RAB21: variants seen among roughly 807,000 people sequenced by gnomAD.
The protein encoded by RAB21 is RAB21, member RAS oncogene family.
Under a neutral mutation model 33.1 loss-of-function variants are expected in RAB21, and 13 were observed. That is an observed-to-expected ratio of 0.39 (90% CI 0.26 to 0.62). The LOEUF (loss-of-function observed/expected upper bound fraction) is 0.62. RAB21 is among the 20% of genes least tolerant of loss of function. RAB21 has a pLI of 0.48. For synonymous variants in RAB21, 91 were observed against 103.7 expected (o/e 0.88, Z 0.74); for missense variants, 234 against 279.1 (o/e 0.84, Z 1.15).
At position 71,798,384 on chromosome 12, in the gene RAB21, A is replaced by C. The variant is rs970296235; in HGVS notation, c.*12711A>C. 6.6e-6 allele frequency: 1 copy of C among 152,084 alleles called. No individual in the cohort carries two copies. The highest frequency in any genetic ancestry group is 2.4e-5 in the African/African-American group (1 of 41,432). The allele number at this position is 152,084 out of a possible 1,614,324, so 9.4% of individuals were successfully genotyped here. A position where few individuals can be genotyped will look rare whatever the true frequency, so the allele number is the denominator to read the frequency against. The stretch of plus-strand genomic sequence containing the variant: ...ATAGGTGTGAGGCACCATGCCCAAC[A>C]TATAACAATAAATTATATCACTATA... On this transcript the variant is annotated 3_prime_UTR_variant, in exon 7 of 7. Coordinates refer to ENST00000261263, the MANE Select transcript of RAB21 (RefSeq NM_014999.4).
chr12:71,763,927 G>C (rs574063366), intron 1 of RAB21, among the ~76,000 whole-genome samples: 26 of 152,262 alleles, frequency 1.7e-4, no homozygotes, highest in African/African-American at 6.0e-4. Context: ...TGAGCTGTCT[G>C]ACCTTCCGTG....
rs34870844 is a variant in RAB21 at position 71,774,756 on chromosome 12, TA to T, written c.391+751del. Among the ~76,000 whole-genome samples the T allele has an allele frequency of 8.5e-3, 1,132 of 133,766 alleles. 9 individuals carry two copies. Among genetic ancestry groups the T allele is most frequent in the African/African-American group, 0.018 (664 of 36,042 alleles). 87.8% of individuals were successfully genotyped at this position (133,766 alleles called of 152,430 possible). A position where few individuals can be genotyped will look rare whatever the true frequency, so the allele number is the denominator to read the frequency against. On this transcript the variant is annotated intron_variant, in intron 4 of 6. Transcript: ENST00000261263. ...TGGGCAACAGAGCGAGACTGTGTCT[TA>T]AAAAAAAAAAAAAAAAGAATAATTT...
chr12:71,757,980 A>T (rs1882810602), intron 1 of RAB21, among the ~76,000 whole-genome samples: 1 of 151,258 alleles, frequency 6.6e-6, no homozygotes, highest in Non-Finnish European at 1.5e-5. Context: ...AACTGGTATT[A>T]TGGAAAGTGG....
intron 3 of RAB21, among the ~76,000 whole-genome samples, chr12:71,773,159 A>G (rs943467869): frequency 6.6e-6 from 1 of 152,236 alleles, no homozygotes; most frequent in African/African-American, 2.4e-5. Context: ...TAAAATCATG[A>G]GTTCAAAAGA....
chr12:71,781,466 CAAAA>C (rs35453463), intron 4 of RAB21, among the ~76,000 whole-genome samples: 6 of 110,476 alleles, frequency 5.4e-5, no homozygotes, highest in Admixed American at 9.6e-5. Context: ...GAGACTCCGT[CAAAA>C]AAAAAAAAAA....
At chr12:71,770,540 C>T (rs926289990) in intron 2 of RAB21, 52 bp from the exon 3 acceptor site, 28 of 1,245,502 alleles carry the variant, frequency 2.2e-5, no homozygotes, top group Non-Finnish European at 2.5e-5. Context: ...TAGTTGCAAT[C>T]GCAGATTTGT....
intron 4 of RAB21, among the ~76,000 whole-genome samples, chr12:71,778,944 T>C (rs1372516035): frequency 1.3e-5 from 2 of 152,180 alleles, no homozygotes; most frequent in Non-Finnish European, 2.9e-5. Flanking sequence ...GGAGTAAGTT[T>C]GTATTACCTG....
intron 1 of RAB21, among the ~76,000 whole-genome samples, 171 bp downstream of exon 1, chr12:71,755,459 A>G (rs1882771174): frequency 6.6e-6 from 1 of 152,112 alleles, no homozygotes; most frequent in African/African-American, 2.4e-5. Context: ...AGGTCGGGGC[A>G]GCCTGTAGAC....
At chr12:71,777,854 T>C (rs1883144287) in intron 4 of RAB21, among the ~76,000 whole-genome samples, 2 of 152,222 alleles carry the variant, frequency 1.3e-5, no homozygotes, top group South Asian at 2.1e-4. Flanking sequence ...TGAGCTAGTA[T>C]GTTCTTATAG....
Position 71,796,355 on chromosome 12 carries a change from A to C in RAB21, c.*10682A>C, listed in dbSNP as rs932120516. 1.5e-5 allele frequency: 2 copies of C among 137,574 alleles called. No individual in the cohort carries two copies. Among genetic ancestry groups the C allele is most frequent in the Non-Finnish European group, 3.0e-5 (2 of 65,998 alleles). The allele number at this position is 137,574 out of a possible 1,614,324, so 8.5% of individuals were successfully genotyped here. A position where few individuals can be genotyped will look rare whatever the true frequency, so the allele number is the denominator to read the frequency against. ...TGTCTGTACTTTCCTTAATTTTCAT[A>C]TTATTTCTAGCTTTTACTTCATCTT... On this transcript the variant is annotated 3_prime_UTR_variant, in exon 7 of 7. Coordinates refer to ENST00000261263, the MANE Select transcript of RAB21 (RefSeq NM_014999.4).
rs1485201479 is a variant in RAB21 at position 71,795,223 on chromosome 12, A to G, written c.*9550A>G. 1 of 152,254 alleles carries G rather than the reference A, an allele frequency of 6.6e-6. No individual in the cohort carries two copies. The highest frequency in any genetic ancestry group is 1.5e-5 in the Non-Finnish European group (1 of 68,042). 9.4% of individuals were successfully genotyped at this position (152,254 alleles called of 1,614,324 possible). A position where few individuals can be genotyped will look rare whatever the true frequency, so the allele number is the denominator to read the frequency against. ...AGCAAGATTTGTGATTCAGAATATT[A>G]AAAGTTAAGAATCCATGAATAGCCC... is the stretch of plus-strand genomic sequence containing the variant. On this transcript the variant is annotated 3_prime_UTR_variant, in exon 7 of 7. Coordinates refer to ENST00000261263, the MANE Select transcript of RAB21 (RefSeq NM_014999.4).
At position 71,798,336 on chromosome 12, in the gene RAB21, C is replaced by T. The variant is rs1441117708; in HGVS notation, c.*12663C>T. 2.0e-5 allele frequency: 3 copies of T among 152,106 alleles called. No individual in the cohort carries two copies. The highest frequency in any genetic ancestry group is 2.9e-5 in the Non-Finnish European group (2 of 68,030). The allele number at this position is 152,106 out of a possible 1,614,324, so 9.4% of individuals were successfully genotyped here. ...CTGACCTCAAGTGATCTGCCCACCT[C>T]GACCTGCCAAAGTGCTGGGATTATA... On this transcript the variant is annotated 3_prime_UTR_variant, in exon 7 of 7. Transcript: ENST00000261263.
intron 1 of RAB21, among the ~76,000 whole-genome samples, chr12:71,759,080 C>T (rs1370347809): frequency 6.6e-6 from 1 of 152,180 alleles, no homozygotes; most frequent in African/African-American, 2.4e-5. Context: ...ATTCTCTTTT[C>T]TTTGGTATTG....
chr12:71,776,415 G>A (rs528808351), intron 4 of RAB21, among the ~76,000 whole-genome samples: 1 of 152,202 alleles, frequency 6.6e-6, no homozygotes, highest in African/African-American at 2.4e-5. Context: ...ATCAGAGAGA[G>A]TGGTTGCCAG....
rs1456697713 is a variant in RAB21, at chr12:71,791,543, C to T, written c.*5870C>T. On this transcript the variant is annotated 3_prime_UTR_variant, in exon 7 of 7. Coordinates refer to ENST00000261263, the MANE Select transcript of RAB21 (RefSeq NM_014999.4). ...CTGATGGGGAAAAGTACAAGATAAA[C>T]TAAAACAAGTCTTTATACAACTCTG... The T allele has an allele frequency of 6.6e-6, 1 of 152,148 alleles. No individual in the cohort carries two copies. Among genetic ancestry groups the T allele is most frequent in the Non-Finnish European group, 1.5e-5 (1 of 68,016 alleles). The allele number at this position is 152,148 out of a possible 1,614,324, so 9.4% of individuals were successfully genotyped here.
intron 6 of RAB21, among the ~76,000 whole-genome samples, chr12:71,783,048 A>T (rs1883224923): frequency 6.6e-6 from 1 of 152,134 alleles, no homozygotes; most frequent in Non-Finnish European, 1.5e-5. Context: ...GTGAAACAAG[A>T]TATTTGATGA....
intron 1 of RAB21, among the ~76,000 whole-genome samples, chr12:71,758,795 T>C (rs1412212819): frequency 2.6e-5 from 4 of 152,176 alleles, no homozygotes; most frequent in African/African-American, 9.7e-5. Context: ...CTATTTTGAA[T>C]CTCTTCTAGG....
At chr12:71,756,272 T>C (rs1020495073) in intron 1 of RAB21, among the ~76,000 whole-genome samples, 3 of 152,314 alleles carry the variant, frequency 2.0e-5, no homozygotes, top group African/African-American at 2.4e-5. Flanking sequence ...GTTTCTTCTG[T>C]TAAAATGGCC....
In RAB21 at chr12:71,797,422, AAAC is replaced by A. The variant is rs1296060988; in HGVS notation, c.*11752_*11754del. 1 of 152,136 alleles carries A rather than the reference AAAC, an allele frequency of 6.6e-6. No individual in the cohort carries two copies. The highest frequency in any genetic ancestry group is 1.5e-5 in the Non-Finnish European group (1 of 68,018). 9.4% of individuals were successfully genotyped at this position (152,136 alleles called of 1,614,324 possible). On this transcript the variant is annotated 3_prime_UTR_variant, in exon 7 of 7. Transcript: ENST00000261263. ...CAAAGGAGAGAAGATACCTAGGAAT[AAAC>A]AAGTTATATGCGTGACCACAAAACC...
Sources: allele counts gnomAD v4.1 joint callset (sites outside exome capture counted in the v4.1 genomes callset), GRCh38; gene constraint gnomAD v4.1.1; transcripts MANE v1.5; gene names NCBI Gene and HGNC (gene_info 2026-07-23, HGNC 2026-07-21).